SBF2: variants seen among roughly 807,000 people sequenced by gnomAD.
SBF2 encodes SET binding factor 2, also known as myotubularin-related protein 13.
A neutral mutation model predicts 225.2 loss-of-function variants in SBF2; 112 were observed. The observed-to-expected ratio is 0.50, with a 90% CI of 0.43 to 0.58. SBF2 has a LOEUF of 0.58. Among genes scored for constraint, SBF2 ranks in the 20% least tolerant of loss-of-function variants. The pLI, the probability that SBF2 is intolerant of heterozygous loss-of-function variation, is 0.00. For missense variants in SBF2, 1,996 were observed against 2,206.2 expected (o/e 0.90, Z 1.91); for synonymous variants, 763 against 773.3 (o/e 0.99, Z 0.22).
intron 13 of SBF2, among the ~76,000 whole-genome samples, chr11:9,973,184 G>A (rs149739659): frequency 2.0e-5 from 3 of 152,308 alleles, no homozygotes; most frequent in Non-Finnish European, 4.4e-5. Context: ...GAAGTTTAGG[G>A]TAGGGCTCAC....
At chr11:9,954,448 G>C (rs1866034937) in intron 16 of SBF2, among the ~76,000 whole-genome samples, 1 of 152,138 alleles carries the variant, frequency 6.6e-6, no homozygotes, top group African/African-American at 2.4e-5. Context: ...TCCCAAGTGG[G>C]TGACACATTA....
chr11:9,822,043 A>C (rs1204454761), intron 28 of SBF2, among the ~76,000 whole-genome samples: 1 of 152,182 alleles, frequency 6.6e-6, no homozygotes, highest in Non-Finnish European at 1.5e-5. Context: ...AATAACTATA[A>C]TAATAATGAC....
intron 36 of SBF2, 99 bp from the exon 37 acceptor site, chr11:9,785,417 G>A (rs1852307869): frequency 1.0e-6 from 1 of 976,540 alleles, no homozygotes; most frequent in Non-Finnish European, 1.6e-6. Context: ...GAAAAAACTG[G>A]ACTAATAAGC....
At chr11:10,220,562 A>G (rs1168459243) in intron 1 of SBF2, among the ~76,000 whole-genome samples, 1 of 152,106 alleles carries the variant, frequency 6.6e-6, no homozygotes, top group African/African-American at 2.4e-5. Flanking sequence ...CTGACTTGGT[A>G]TCCCTACCTC....
intron 2 of SBF2, among the ~76,000 whole-genome samples, chr11:10,107,227 A>G (rs1248733200): frequency 2.6e-5 from 4 of 152,258 alleles, no homozygotes; most frequent in Non-Finnish European, 4.4e-5. Context: ...ATTCATAGTA[A>G]CTTAATTTAT....
At chr11:9,864,650 G>T (rs1157301307) in intron 17 of SBF2, among the ~76,000 whole-genome samples, 1 of 151,754 alleles carries the variant, frequency 6.6e-6, no homozygotes, top group Non-Finnish European at 1.5e-5. Context: ...GCCACCCAAA[G>T]TTCTAGGATT....
intron 2 of SBF2, among the ~76,000 whole-genome samples, chr11:10,109,204 C>T (rs1023158361): frequency 4.9e-5 from 7 of 142,904 alleles, no homozygotes; most frequent in Non-Finnish European, 1.1e-4. Context: ...TATATATATG[C>T]AAATAGCTCT....
At chr11:9,820,335 C>G (rs1955949904) in intron 28 of SBF2, among the ~76,000 whole-genome samples, 1 of 152,174 alleles carries the variant, frequency 6.6e-6, no homozygotes, top group Non-Finnish European at 1.5e-5. Context: ...CCAAAGGAAG[C>G]CAGAAAGTAA....
chr11:9,858,810 C>T (rs1056462680), intron 17 of SBF2, among the ~76,000 whole-genome samples: 12 of 152,220 alleles, frequency 7.9e-5, no homozygotes, highest in African/African-American at 2.9e-4. Flanking sequence ...AAAGAGACAG[C>T]AACTGAAATA....
chr11:10,272,359 C>A, intron 1 of SBF2: 3 of 558,106 alleles, frequency 5.4e-6, no homozygotes, highest in Non-Finnish European at 9.1e-6. Context: ...TGCTAGTTAC[C>A]AGTTACTCAC....
chr11:9,894,968 G>A (rs1270243908), intron 17 of SBF2, among the ~76,000 whole-genome samples: 1 of 152,084 alleles, frequency 6.6e-6, no homozygotes, highest in Non-Finnish European at 1.5e-5. Context: ...GGCAACAAGA[G>A]CTAAAACTCT....
chr11:10,196,862 A>ATTTTT (rs1208099879), intron 1 of SBF2, among the ~76,000 whole-genome samples: 4 of 22,028 alleles, frequency 1.8e-4, no homozygotes, highest in Non-Finnish European at 3.0e-4. Context: ...ATATATATAT[A>ATTTTT]TATATTTTTT....
At position 9,789,138 on chromosome 11, in the gene SBF2, G is replaced by T; in HGVS notation, c.4903C>A (p.Gln1635Lys). The change falls in exon 35 of 40, where the codon CAG (glutamine) becomes AAG (lysine). Residue 1635 changes from glutamine to lysine, a missense_variant. Transcript: ENST00000256190. Reference protein sequence around the residue: ...WPCYDDVSCTQPDALTSLFSE... With the variant: ...WPCYDDVSCTKPDALTSLFSE... The stretch of plus-strand genomic sequence containing the variant: ...AAAAGGCTGGTGAGAGCATCAGGCT[G>T]AGTACAGCTGACATCATCATAGCAT... 1 of 1,614,184 alleles carries T rather than the reference G, an allele frequency of 6.2e-7. No individual in the cohort carries two copies. Among genetic ancestry groups the T allele is most frequent in the Non-Finnish European group, 8.5e-7 (1 of 1,180,032 alleles).
chr11:9,839,321 C>A, intron 26 of SBF2, 177 bp downstream of exon 26: 1 of 679,174 alleles, frequency 1.5e-6, no homozygotes, highest in Non-Finnish European at 2.6e-6. Context: ...GAGGTACTTT[C>A]AGTAAGGTAA....
At chr11:10,153,153 T>C (rs987570556) in intron 2 of SBF2, among the ~76,000 whole-genome samples, 1 of 152,188 alleles carries the variant, frequency 6.6e-6, no homozygotes, top group African/African-American at 2.4e-5. Flanking sequence ...TGTTTAGGAA[T>C]AGTAACTCTG....
intron 16 of SBF2, among the ~76,000 whole-genome samples, chr11:9,938,239 T>C (rs1014948142): frequency 1.7e-4 from 26 of 150,262 alleles, no homozygotes; most frequent in Non-Finnish European, 2.2e-4. Flanking sequence ...TGCAGTGAGC[T>C]GAGATCCAGC....
At chr11:10,234,401 A>G (rs1201316225) in intron 1 of SBF2, among the ~76,000 whole-genome samples, 1 of 152,232 alleles carries the variant, frequency 6.6e-6, no homozygotes, top group East Asian at 1.9e-4. Context: ...TTGCTGGAGC[A>G]ATTCATGTAC....
chr11:10,159,085 A>G (rs1955601642), intron 2 of SBF2, among the ~76,000 whole-genome samples: 1 of 150,836 alleles, frequency 6.6e-6, no homozygotes, highest in Non-Finnish European at 1.5e-5. Flanking sequence ...CTAACATCAG[A>G]GACAAGCAAT....
intron 2 of SBF2, among the ~76,000 whole-genome samples, chr11:10,144,550 G>GA (rs1954802482): frequency 6.6e-6 from 1 of 152,066 alleles, no homozygotes; most frequent in African/African-American, 2.4e-5. Context: ...ATTTCATGAA[G>GA]AAAAAAATAA....
Sources: allele counts gnomAD v4.1 joint callset (sites outside exome capture counted in the v4.1 genomes callset), GRCh38; gene constraint gnomAD v4.1.1; transcripts MANE v1.5; gene names NCBI Gene and HGNC (gene_info 2026-07-23, HGNC 2026-07-21).